The following EML3 variants were observed in gnomAD, a reference collection of about 807,000 sequenced individuals.
EML3 encodes echinoderm microtubule-associated protein-like 3.
EML3 carries 53 observed loss-of-function variants against 106.7 expected under a neutral mutation model. The observed-to-expected ratio is 0.50, with a 90% CI of 0.40 to 0.62. EML3 has a LOEUF of 0.62. Ranked by LOEUF, EML3 falls within the 20% of genes least tolerant of loss-of-function variation. The probability of loss-of-function intolerance (pLI) is 0.00; values close to 1 mark genes in which losing one functional copy is unlikely to be tolerated. For synonymous variants in EML3, 499 were observed against 489.6 expected, an observed-to-expected ratio of 1.02 and a Z score of -0.25; for missense variants, 994 against 1,209.1, an observed-to-expected ratio of 0.82 and a Z score of 2.64.
Position 62,609,443 on chromosome 11 carries a change from G to A in EML3, c.669C>T (p.Arg223=), listed in dbSNP as rs760248512. ...GISVKMFLRG[R]PITMYIPSGI... ...CAGACGGGATGTACATGGTAATGGG[G>A]CGCCCTCGAAGGAACATCTTCACTG... is the stretch of plus-strand genomic sequence containing the variant. The change falls in exon 6 of 22, where the codon CGC becomes CGT. Residue 223 remains arginine (R), a synonymous_variant. Transcript: ENST00000394773. 2.5e-6 allele frequency: 4 copies of A among 1,592,736 alleles called. No homozygotes were observed. Among genetic ancestry groups the A allele is most frequent in the Non-Finnish European group, 3.4e-6 (4 of 1,169,462 alleles).
Position 62,612,564 on chromosome 11 carries a change from G to A in EML3, c.-107C>T. 1 of 1,147,186 alleles carries A rather than the reference G, an allele frequency of 8.7e-7. No individual in the cohort carries two copies. Among genetic ancestry groups the A allele is most frequent in the Non-Finnish European group, 1.1e-6 (1 of 887,454 alleles). The allele number at this position is 1,147,186 out of a possible 1,614,324, so 71.1% of individuals were successfully genotyped here. A position where few individuals can be genotyped will look rare whatever the true frequency, so the allele number is the denominator to read the frequency against. On this transcript the variant is annotated 5_prime_UTR_variant, in exon 1 of 22. Transcript: ENST00000394773. ...GAAGCACCCCGGGGCGCGCGCGAAG[G>A]GCGCCGTACCACCACCCCGAGGGGG... is the stretch of plus-strand genomic sequence containing the variant.
rs750971967 is a variant in EML3, at chr11:62,606,232, G to A, written c.1505-18C>T. 2 of 1,611,842 alleles carry A rather than the reference G, an allele frequency of 1.2e-6. No individual in the cohort carries two copies. The highest frequency in any genetic ancestry group is 1.7e-6 in the Non-Finnish European group (2 of 1,179,128). On this transcript the variant is annotated intron_variant, in intron 12 of 21. Coordinates refer to ENST00000394773, the MANE Select transcript of EML3 (RefSeq NM_153265.3). ...ATAGGTCTCTGTTGGCAAAGCCCCA[G>A]GTAGATCATGTTTTGGGGGTGCAGG...
rs9667009 is a variant in EML3, at chr11:62,611,479, T to G, written c.140A>C (p.Gln47Pro). 1.2e-6 allele frequency: 2 copies of G among 1,613,620 alleles called. No individual in the cohort carries two copies. Among genetic ancestry groups the G allele is most frequent in the Admixed American group, 3.3e-5 (2 of 60,000 alleles). ...GCCCTGCAGGGAGGAAGGGGGCACC[T>G]GCAGCCGCAGCAGGCGAAGGGCTTC... is the stretch of plus-strand genomic sequence containing the variant. ...LAEALRLLRLQVPPSSLQGSG... is the reference protein window; with the variant it reads ...LAEALRLLRLPVPPSSLQGSG... The change falls in exon 2 of 22, where the codon CAG becomes CCG. Residue 47 changes from glutamine to proline, a missense_variant. By Grantham distance (76) the Gln-to-Pro change is moderately conservative. Around this residue, in one of 3 missense-constraint regions of EML3, gnomAD observed 269 missense variants for 265.1 expected, o/e 1.01. Coordinates refer to ENST00000394773, the MANE Select transcript of EML3 (RefSeq NM_153265.3).
chr11:62,612,618 AG>A lies in EML3; in HGVS notation c.-162del, dbSNP rs1942892435. ...TGTCGGGCGCGGGGAAGGGGCCTGG[AG>A]GGGGCGCTGTGGGCCCGGGGCCGCA... On this transcript the variant is annotated 5_prime_UTR_variant, in exon 1 of 22. Coordinates refer to ENST00000394773, the MANE Select transcript of EML3 (RefSeq NM_153265.3). 4.7e-6 allele frequency: 3 copies of A among 632,168 alleles called. No individual in the cohort carries two copies. The highest frequency in any genetic ancestry group is 4.2e-5 in the South Asian group (1 of 23,562). The allele number at this position is 632,168 out of a possible 1,614,324, so 39.2% of individuals were successfully genotyped here.
chr11:62,608,798 C>G lies in EML3; in HGVS notation c.937G>C (p.Val313Leu). The change falls in exon 8 of 22, where the codon GTT becomes CTT. Residue 313 changes from valine to leucine, a missense_variant. Transcript: ENST00000394773. ...GHTDCVRCLAVHPDGVRVASG... is the reference protein window; with the variant it reads ...GHTDCVRCLALHPDGVRVASG... ...GCTACCCGAACACCATCAGGGTGAA[C>G]AGCAAGGCTAAGGCAGGGGGAAGAC... 1 of 1,574,702 alleles carries G rather than the reference C, an allele frequency of 6.4e-7. No individual in the cohort carries two copies. The highest frequency in any genetic ancestry group is 8.6e-7 in the Non-Finnish European group (1 of 1,158,036).
rs549524614 is a variant in EML3, at chr11:62,605,866, G to C, written c.1771C>G (p.Pro591Ala). ...LRGDLAQGFSPVIQGHTDELW... is the reference protein window; with the variant it reads ...LRGDLAQGFSAVIQGHTDELW... ...CCTTAACCCCCAACCTGGATTACAG[G>C]GGAGAAGCCCTGGGCCAGGTCTCCC... is the stretch of plus-strand genomic sequence containing the variant. Residue 591 changes from proline (P) to alanine (A), a missense_variant, in exon 14 of 22, where the codon CCT (proline) becomes GCT (alanine). Physicochemically the swap from Pro to Ala is conservative, Grantham distance 27. Around this residue, in one of 3 missense-constraint regions of EML3, gnomAD observed 713 missense variants for 920.5 expected, o/e 0.77. Coordinates refer to ENST00000394773, the MANE Select transcript of EML3 (RefSeq NM_153265.3). This position sits in a 1 kb window ranked among gnomAD's most constrained non-coding sequence, Gnocchi z 5.2. 1.1e-5 allele frequency: 17 copies of C among 1,614,164 alleles called. No individual in the cohort carries two copies. In the East Asian group the frequency reaches 3.6e-4, roughly 34 times the overall value.
chr11:62,607,784 G>A lies in EML3; in HGVS notation c.1244C>T (p.Pro415Leu). ...NDSVLAVGFN[P>L]RDSSCIVTSG... ...GGTGACGATGCAGCTGCTGTCACGA[G>A]GGTTGAAGCCAACGGCCAGGACTGA... The change falls in exon 11 of 22, where the codon CCT becomes CTT. Residue 415 changes from proline (P) to leucine (L), a missense_variant. Physicochemically the swap from Pro to Leu is moderately conservative, Grantham distance 98 (BLOSUM62 -3). Coordinates refer to ENST00000394773, the MANE Select transcript of EML3 (RefSeq NM_153265.3). 6.2e-7 allele frequency: 1 copy of A among 1,614,016 alleles called. No individual in the cohort carries two copies. Among genetic ancestry groups the A allele is most frequent in the Non-Finnish European group, 8.5e-7 (1 of 1,179,964 alleles).
At position 62,612,257 on chromosome 11, in the gene EML3, A is replaced by C. The variant is rs917198636; in HGVS notation, c.22+179T>G. Reference sequence around the variant, plus strand: ...GTAGAATGACGCTGGGGAAGCCCGAAGTGACAGCAAGACCCAAGCAACTAG... The same window carrying C: ...GTAGAATGACGCTGGGGAAGCCCGACGTGACAGCAAGACCCAAGCAACTAG... On this transcript the variant is annotated intron_variant, in intron 1 of 21. Transcript: ENST00000394773. 1.2e-5 allele frequency: 7 copies of C among 566,780 alleles called. No homozygotes were observed. In the African/African-American group the frequency reaches 1.4e-4, roughly 11 times the overall value. 35.1% of individuals were successfully genotyped at this position (566,780 alleles called of 1,614,324 possible).
chr11:62,610,828 G>T, intron 4 of EML3, 51 bp downstream of exon 4: 1 of 1,505,612 alleles, frequency 6.6e-7, no homozygotes, highest in Non-Finnish European at 9.1e-7. Context: ...GATATGGAAA[G>T]TCGAGAGCCT....
chr11:62,610,874 C>A lies in EML3; in HGVS notation c.566+5G>T. The A allele has an allele frequency of 6.2e-7, 1 of 1,605,768 alleles. No homozygotes were observed. Among genetic ancestry groups the A allele is most frequent in the Non-Finnish European group, 8.5e-7 (1 of 1,177,940 alleles). ...CGGGGTGGGTTGAGGGGAAGCCTCA[C>A]CCACCTCTCTGTGCTCCCGGACCGC... is the stretch of plus-strand genomic sequence containing the variant. On this transcript the variant is annotated splice_donor_5th_base_variant and intron_variant, in intron 4 of 21. Transcript: ENST00000394773.
chr11:62,608,040 A>G (rs918324102), intron 10 of EML3, 161 bp downstream of exon 10: 3 of 825,934 alleles, frequency 3.6e-6, no homozygotes, highest in Non-Finnish European at 5.9e-6. Context: ...GTCAGAACCC[A>G]TGTCACAAAT....
At chr11:62,609,750 G>A (rs1327984202) in intron 4 of EML3, 54 bp from the exon 5 acceptor site, 12 of 1,485,418 alleles carry the variant, frequency 8.1e-6, no homozygotes, top group African/African-American at 2.8e-5. Context: ...AGACCTAAGC[G>A]GGGAGGGGCA....
chr11:62,605,895 A>G lies in EML3; in HGVS notation c.1742T>C (p.Leu581Pro). 1.2e-6 allele frequency: 2 copies of G among 1,614,194 alleles called. No individual in the cohort carries two copies. Among genetic ancestry groups the G allele is most frequent in the Non-Finnish European group, 1.7e-6 (2 of 1,180,036 alleles). Reference sequence around the variant, plus strand: ...GAAGCCCTGGGCCAGGTCTCCCCTCAGCAATGCATTCTTCGTGGTTCCCAC... The same window carrying G: ...GAAGCCCTGGGCCAGGTCTCCCCTCGGCAATGCATTCTTCGTGGTTCCCAC... ...LLVGTTKNAL[L>P]RGDLAQGFSP... is the part of the protein sequence containing the mutation. The change falls in exon 14 of 22, where the codon CTG becomes CCG. Residue 581 changes from leucine to proline, a missense_variant. Leu to Pro is a moderately conservative substitution (Grantham distance 98). This residue lies in a region of EML3 where 713 missense variants were observed against 920.5 expected (regional missense o/e 0.77). Transcript: ENST00000394773. This position sits in a 1 kb window ranked among gnomAD's most constrained non-coding sequence, Gnocchi z 5.2.
rs765447913 is a variant in EML3 at position 62,610,989 on chromosome 11, C to A, written c.456G>T (p.Pro152=). ...PLQPPQRADT[P]RRNSSSSSSP... is the part of the protein sequence containing the mutation. Reference sequence around the variant, plus strand: ...ATGAGGAGGAGGAAGAATTTCTTCGCGGCCTGGTGGGGGCATAGTGAAGGT... The same window carrying A: ...ATGAGGAGGAGGAAGAATTTCTTCGAGGCCTGGTGGGGGCATAGTGAAGGT... Residue 152 remains proline (P), a synonymous_variant, in exon 4 of 22, where the codon CCG becomes CCT. Transcript: ENST00000394773. 5.0e-6 allele frequency: 8 copies of A among 1,613,046 alleles called. No individual in the cohort carries two copies. The highest frequency in any genetic ancestry group is 5.9e-6 in the Non-Finnish European group (7 of 1,179,848).
Position 62,607,839 on chromosome 11 carries a change from G to C in EML3, c.1207-18C>G. 3.1e-6 allele frequency: 5 copies of C among 1,607,368 alleles called. No individual in the cohort carries two copies. Among genetic ancestry groups the C allele is most frequent in the Non-Finnish European group, 4.3e-6 (5 of 1,174,904 alleles). The stretch of plus-strand genomic sequence containing the variant: ...TTTGTACTCTGAAGGGAAGACACTA[G>C]ATTCAGCCACCCCAAGCCCTGGGTA... On this transcript the variant is annotated intron_variant, in intron 10 of 21. Coordinates refer to ENST00000394773, the MANE Select transcript of EML3 (RefSeq NM_153265.3).
intron 8 of EML3, 32 bp downstream of exon 8, chr11:62,608,704 C>G (rs1196587764): frequency 6.2e-7 from 1 of 1,613,888 alleles, no homozygotes; most frequent in South Asian, 1.1e-5. Flanking sequence ...GCAATTCCAG[C>G]ATGTCTGCCT....
chr11:62,606,016 A>T (rs1196051860), intron 13 of EML3, 36 bp from the exon 14 acceptor site: 1 of 1,613,464 alleles, frequency 6.2e-7, no homozygotes, highest in Non-Finnish European at 8.5e-7. Flanking sequence ...GAGCCCACTG[A>T]CTATTGCTCT....
At chr11:62,610,831 GAGAGC>G in intron 4 of EML3, 43 bp downstream of exon 4, 1 of 1,523,816 alleles carries the variant, frequency 6.6e-7, no homozygotes, top group South Asian at 1.1e-5. Context: ...ATGGAAAGTC[GAGAGC>G]CTGCGCCTGG....
rs1455153436 is a variant in EML3, at chr11:62,605,783, A to G, written c.1783-10T>C. On this transcript the variant is annotated splice_polypyrimidine_tract_variant and intron_variant, in intron 14 of 21. Transcript: ENST00000394773. The surrounding 1 kb of genome is among the most constrained non-coding windows in gnomAD (Gnocchi z 5.2). ...GCTCATCAGTGTGGCCCTGCAGCACAGCATGACTGTCACTCCTGCCCCTCT... is the reference window on the plus strand; with the variant it reads ...GCTCATCAGTGTGGCCCTGCAGCACGGCATGACTGTCACTCCTGCCCCTCT... 1 of 1,599,798 alleles carries G rather than the reference A, an allele frequency of 6.3e-7. No homozygotes were observed. The highest frequency in any genetic ancestry group is 1.3e-5 in the African/African-American group (1 of 74,776).
Sources: gnomAD v4.1 joint callset for allele counts on GRCh38, gnomAD v4.1.1 for gene constraint, gnomAD v4.1.1 regional missense constraint, Gnocchi (gnomAD v3.1) non-coding constraint, MANE v1.5 for transcripts, NCBI Gene and HGNC (gene_info 2026-07-23, HGNC 2026-07-21) for gene names.